Variants in ROS1 observed in about 807,000 individuals in gnomAD.
ROS1 encodes the protein ROS proto-oncogene 1, receptor tyrosine kinase, also known as proto-oncogene tyrosine-protein kinase ROS.
A neutral mutation model predicts 273.5 loss-of-function variants in ROS1; 263 were observed. The ratio of observed to expected loss-of-function variants is 0.96; its 90% confidence interval spans 0.87 to 1.06. ROS1 has a LOEUF of 1.06. ROS1 is among the 50% of genes least tolerant of loss of function. The pLI is 0.00. For missense variants in ROS1, 2,833 were observed against 2,751.1 expected (o/e 1.03, Z -0.67); for synonymous variants, 1,008 against 954.1 (o/e 1.06, Z -1.04).
At chr6:117,395,639 A>T (rs1249623965) in intron 9 of ROS1, among the ~76,000 whole-genome samples, 1 of 152,200 alleles carries the variant, frequency 6.6e-6, no homozygotes, top group Non-Finnish European at 1.5e-5. Flanking sequence ...TATATCATAC[A>T]GTAAGTATTC....
intron 27 of ROS1, among the ~76,000 whole-genome samples, chr6:117,344,644 G>A (rs1386254729): frequency 6.6e-6 from 1 of 152,126 alleles, no homozygotes; most frequent in Non-Finnish European, 1.5e-5. Flanking sequence ...TTATCACTGT[G>A]GCGCACCTCT....
At chr6:117,319,128 A>G (rs1203837176) in intron 37 of ROS1, among the ~76,000 whole-genome samples, 1 of 152,158 alleles carries the variant, frequency 6.6e-6, no homozygotes, top group Non-Finnish European at 1.5e-5. Flanking sequence ...ATATTGCTCA[A>G]TTACATAAAA....
intron 31 of ROS1, among the ~76,000 whole-genome samples, chr6:117,337,847 T>C (rs1188892505): frequency 6.6e-6 from 1 of 152,108 alleles, no homozygotes; most frequent in African/African-American, 2.4e-5. Flanking sequence ...AACACCCTCT[T>C]CAGACATGTA....
chr6:117,301,033 C>A lies in ROS1; in HGVS notation c.6656G>T (p.Ser2219Ile), dbSNP rs774048022. The A allele has an allele frequency of 1.9e-5, 31 of 1,605,366 alleles. No individual in the cohort carries two copies. The South Asian group carries it at 3.5e-4, about 18-fold the overall frequency. The change falls in exon 43 of 44, where the codon AGC becomes ATC. Residue 2219 changes from serine (S) to isoleucine (I), a missense_variant. Coordinates refer to ENST00000368507, the MANE Select transcript of ROS1 (RefSeq NM_001378902.1). ...LQLFRNFFLN[S>I]IYKSRDEANN... ...TGCTTCATCTCTGGACTTATAAATG[C>A]TATTTAAGAAAAAATTTCTGAATAA...
At chr6:117,292,388 CCT>C (rs925541191) in intron 43 of ROS1, among the ~76,000 whole-genome samples, 1 of 152,132 alleles carries the variant, frequency 6.6e-6, no homozygotes, top group Non-Finnish European at 1.5e-5. Context: ...GATTGCTTTA[CCT>C]CTCTGCAGCA....
Position 117,391,586 on chromosome 6 carries a change from C to T in ROS1, c.1289+1638G>A, listed in dbSNP as rs561730844. Reference sequence around the variant, plus strand: ...AAATATTTCTAATACCAGGACAATACACTGTTTCACACATCTGATGTCCTT... The same window carrying T: ...AAATATTTCTAATACCAGGACAATATACTGTTTCACACATCTGATGTCCTT... On this transcript the variant is annotated intron_variant, in intron 12 of 43. Coordinates refer to ENST00000368507, the MANE Select transcript of ROS1 (RefSeq NM_001378902.1). Among the ~76,000 whole-genome samples, 231 of 152,312 alleles carry T rather than the reference C, an allele frequency of 1.5e-3. 1 individual carries two copies. The highest frequency in any genetic ancestry group is 2.8e-3 in the Non-Finnish European group (192 of 68,024).
At chr6:117,347,954 C>T (rs1778511335) in intron 27 of ROS1, among the ~76,000 whole-genome samples, 1 of 151,966 alleles carries the variant, frequency 6.6e-6, no homozygotes, top group South Asian at 2.1e-4. Context: ...TAATATATTG[C>T]TCGATTTGAT....
rs1195135661 is a variant in ROS1 at position 117,385,667 on chromosome 6, C to G, written c.2289+16G>C. On this transcript the variant is annotated intron_variant, in intron 16 of 43. Transcript: ENST00000368507. ...GTATCATTCTAGAGCATCCAGAATG[C>G]CATGCTTTAACTCACCACATATGTC... The G allele has an allele frequency of 6.2e-7, 1 of 1,611,964 alleles. No individual in the cohort carries two copies. The highest frequency in any genetic ancestry group is 1.3e-5 in the African/African-American group (1 of 74,700).
At chr6:117,364,965 C>T (rs1357944675) in intron 21 of ROS1, 95 bp downstream of exon 21, 17 of 1,266,392 alleles carry the variant, frequency 1.3e-5, no homozygotes, top group Non-Finnish European at 1.9e-5. Flanking sequence ...ATCTATAAAA[C>T]TGAAAGTTAT....
In ROS1 at chr6:117,418,455, T is replaced by G; in HGVS notation, c.168+7A>C. 1.9e-6 allele frequency: 3 copies of G among 1,587,116 alleles called. No homozygotes were observed. The highest frequency in any genetic ancestry group is 2.6e-6 in the Non-Finnish European group (3 of 1,165,418). On this transcript the variant is annotated splice_region_variant and intron_variant, in intron 2 of 43. Transcript: ENST00000368507. ...TAATATTCTTGACAACTGAAGAAAT[T>G]ACTTACCGGTTCACTCAGATTATGT...
rs1489503636 is a variant in ROS1 at position 117,342,544 on chromosome 6, C to T, written c.4507G>A (p.Glu1503Lys). The T allele has an allele frequency of 6.8e-7, 1 of 1,463,580 alleles. No individual in the cohort carries two copies. The highest frequency in any genetic ancestry group is 1.5e-5 in the African/African-American group (1 of 68,626). 90.7% of individuals were successfully genotyped at this position (1,463,580 alleles called of 1,614,324 possible). The change falls in exon 29 of 44, where the codon GAA (glutamate) becomes AAA (lysine). Residue 1503 changes from glutamate (E) to lysine (K), a missense_variant and splice_region_variant. Glu to Lys is a moderately conservative substitution (Grantham distance 56). Coordinates refer to ENST00000368507, the MANE Select transcript of ROS1 (RefSeq NM_001378902.1). ...NSSDLKYRIL[E>K]FQDSIALIED... The stretch of plus-strand genomic sequence containing the variant: ...ATAAGAGCTATACTGTCCTGAAATT[C>T]CTGTAATTGATTTTTTAAAAATCAA...
chr6:117,376,126 T>C (rs904060581), intron 18 of ROS1, among the ~76,000 whole-genome samples: 26 of 151,664 alleles, frequency 1.7e-4, no homozygotes, highest in African/African-American at 6.0e-4. Flanking sequence ...AAAAGATAAA[T>C]AAATCTCATA....
intron 43 of ROS1, among the ~76,000 whole-genome samples, chr6:117,292,126 T>C (rs142531786): frequency 1.2e-3 from 178 of 152,104 alleles, no homozygotes; most frequent in East Asian, 3.9e-3. Context: ...CCCACCACCA[T>C]GCCCAGCTAA....
At chr6:117,380,525 C>T (rs866768200) in intron 17 of ROS1, among the ~76,000 whole-genome samples, 26 of 151,286 alleles carry the variant, frequency 1.7e-4, no homozygotes, top group African/African-American at 6.1e-4. Context: ...AAAAAGAAAT[C>T]AGGTTAACCT....
In ROS1 at chr6:117,356,935, C is replaced by T. The variant is rs1407771730; in HGVS notation, c.3840-20G>A. 1.9e-6 allele frequency: 3 copies of T among 1,587,216 alleles called. No homozygotes were observed. Among genetic ancestry groups the T allele is most frequent in the Non-Finnish European group, 2.6e-6 (3 of 1,166,802 alleles). On this transcript the variant is annotated intron_variant, in intron 25 of 43. Transcript: ENST00000368507. ...AAGCGACTATAGAGGAAAAAAAAGT[C>T]CCCCCAACTTAATGAGTAAAATACA...
intron 27 of ROS1, among the ~76,000 whole-genome samples, chr6:117,351,332 G>A (rs1778846617): frequency 1.3e-5 from 2 of 152,108 alleles, no homozygotes; most frequent in African/African-American, 4.8e-5. Context: ...ACCCGAGCAG[G>A]TCCAGCTGTG....
At chr6:117,396,292 T>C (rs773077259) in intron 8 of ROS1, 28 bp from the exon 9 acceptor site, 2 of 1,460,712 alleles carry the variant, frequency 1.4e-6, no homozygotes, top group Non-Finnish European at 1.9e-6. Context: ...TGGAGAGACG[T>C]GTTTCACATG....
At chr6:117,402,852 C>A (rs759708077) in intron 7 of ROS1, among the ~76,000 whole-genome samples, 2 of 142,312 alleles carry the variant, frequency 1.4e-5, no homozygotes, top group African/African-American at 5.3e-5. Context: ...CACACCACTG[C>A]ATTCCAGCCT....
intron 3 of ROS1, 132 bp from the exon 4 acceptor site, chr6:117,414,677 A>G: frequency 1.8e-6 from 1 of 560,102 alleles, no homozygotes; most frequent in Non-Finnish European, 3.1e-6. Context: ...AACAACAGAA[A>G]CAAGGGAGCC....
Sources: gnomAD v4.1 joint callset for allele counts (sites outside exome capture counted in the v4.1 genomes callset) on GRCh38, gnomAD v4.1.1 for gene constraint, MANE v1.5 for transcripts, NCBI Gene and HGNC (gene_info 2026-07-23, HGNC 2026-07-21) for gene names.